RP2: variants seen among roughly 807,000 people sequenced by gnomAD.
The protein encoded by RP2 is RP2 activator of ARL3 GTPase.
In RP2, 3 loss-of-function variants were observed where a neutral mutation model predicts 20.3. The observed-to-expected ratio is 0.15, with a 90% CI of 0.07 to 0.38. RP2 has a LOEUF of 0.38. Ranked by LOEUF, RP2 falls within the 10% of genes least tolerant of loss-of-function variation. RP2 has a pLI of 1.00. For missense variants in RP2, 233 were observed against 268.5 expected, an observed-to-expected ratio of 0.87 and a Z score of 0.92; for synonymous variants, 75 against 94.8, an observed-to-expected ratio of 0.79 and a Z score of 1.22.
chrX:46,847,455 G>A (rs191498216), intron 1 of RP2, among the ~76,000 whole-genome samples: 2 of 106,859 alleles, frequency 1.9e-5, no homozygotes, highest in African/African-American at 3.4e-5. Context: ...TTTCTGAGAC[G>A]GAGTCTTGCT....
intron 3 of RP2, among the ~76,000 whole-genome samples, chrX:46,875,030 ACTTTT>A (rs1925351271): frequency 9.0e-6 from 1 of 110,889 alleles, no homozygotes; most frequent in Non-Finnish European, 1.9e-5. Flanking sequence ...TTATTTTTTT[ACTTTT>A]ATTTTTTAAT....
At chrX:46,841,139 A>G (rs994233006) in intron 1 of RP2, among the ~76,000 whole-genome samples, 4 of 111,768 alleles carry the variant, frequency 3.6e-5, no homozygotes, top group Non-Finnish European at 7.5e-5. Context: ...TGGTTTTAAC[A>G]TAAGGCAGAT....
chrX:46,854,019 G>T lies in RP2; in HGVS notation c.646G>T (p.Ala216Ser). 3.3e-6 allele frequency: 4 copies of T among 1,211,812 alleles called. No homozygotes were observed. Among genetic ancestry groups the T allele is most frequent in the Non-Finnish European group, 4.5e-6 (4 of 895,492 alleles). The change falls in exon 2 of 5, where the codon GCC (alanine) becomes TCC (serine). Residue 216 changes from alanine (A) to serine (S), a missense_variant. Transcript: ENST00000218340. ...ELKAVRVSTE[A>S]NRSIVPISRG... Reference sequence around the variant, plus strand: ...CAAAGCTGTTCGTGTTTCCACAGAAGCCAATAGAAGCATTGTTCCAATATC... The same window carrying T: ...CAAAGCTGTTCGTGTTTCCACAGAATCCAATAGAAGCATTGTTCCAATATC...
Position 46,854,079 on chromosome X carries a change from T to A in RP2, c.706T>A (p.Cys236Ser). Residue 236 changes from cysteine (C) to serine (S), a missense_variant, in exon 2 of 5, where the codon TGC becomes AGC. Cys to Ser is a moderately radical substitution (Grantham distance 112). Around this residue, in one of 3 missense-constraint regions of RP2, gnomAD observed 118 missense variants for 123.8 expected, o/e 0.95. Coordinates refer to ENST00000218340, the MANE Select transcript of RP2 (RefSeq NM_006915.3). ...GAGACAGAAGAGCAGCGATGAATCA[T>A]GCTTAGTGGTATTATTTGCTGGTGA... ...GQRQKSSDESCLVVLFAGDYT... is the reference protein window; with the variant it reads ...GQRQKSSDESSLVVLFAGDYT... The A allele has an allele frequency of 1.7e-6, 2 of 1,211,830 alleles. No individual in the cohort carries two copies. The highest frequency in any genetic ancestry group is 3.5e-5 in the African/African-American group (2 of 57,909).
At chrX:46,860,856 G>A (rs963423289) in intron 3 of RP2, among the ~76,000 whole-genome samples, 1 of 112,242 alleles carries the variant, frequency 8.9e-6, no homozygotes, top group Middle Eastern at 4.6e-3. Context: ...TGCATTTTAT[G>A]TGCTCTTTAT....
At chrX:46,838,681 T>G (rs191741721) in intron 1 of RP2, among the ~76,000 whole-genome samples, 13 of 112,770 alleles carry the variant, frequency 1.2e-4, no homozygotes, top group African/African-American at 3.5e-4. Context: ...GTTTTACAGT[T>G]AATGTTTATT....
intron 2 of RP2, among the ~76,000 whole-genome samples, chrX:46,859,722 T>G (rs1355272977): frequency 5.4e-5 from 6 of 111,369 alleles, no homozygotes; most frequent in Admixed American, 9.7e-5. Flanking sequence ...TAGAAAAATT[T>G]TAATCATGTT....
intron 3 of RP2, among the ~76,000 whole-genome samples, chrX:46,872,470 A>G (rs782082915): frequency 2.7e-5 from 3 of 111,311 alleles, no homozygotes; most frequent in African/African-American, 6.5e-5. Flanking sequence ...AATCTTGTCT[A>G]TTGACATATT....
chrX:46,873,314 A>AT (rs1925322432), intron 3 of RP2, among the ~76,000 whole-genome samples: 1 of 111,589 alleles, frequency 9.0e-6, no homozygotes, highest in Non-Finnish European at 1.9e-5. Context: ...ACAATTTTTC[A>AT]TGACAGCTGA....
At chrX:46,861,063 A>C (rs1925053872) in intron 3 of RP2, among the ~76,000 whole-genome samples, 1 of 111,782 alleles carries the variant, frequency 8.9e-6, no homozygotes, top group Admixed American at 9.6e-5. Context: ...TATGTAGGAA[A>C]TTCTGACCTG....
chrX:46,871,021 C>CTTTTT (rs58549261), intron 3 of RP2, among the ~76,000 whole-genome samples: 3 of 77,361 alleles, frequency 3.9e-5, no homozygotes, highest in African/African-American at 5.9e-5. Flanking sequence ...ACGCTCATTC[C>CTTTTT]TTTTTTTTTT....
rs781833240 is a variant in RP2, at chrX:46,870,709, T to G, written c.884-6796T>G. On this transcript the variant is annotated intron_variant, in intron 3 of 4. Transcript: ENST00000218340. ...TCAGCCTCAGCTGGGAGCATGCACA[T>G]CAGGCAATTCTAATTTTTTGCCACT... is the stretch of plus-strand genomic sequence containing the variant. Among the ~76,000 whole-genome samples the G allele has an allele frequency of 4.5e-5, 5 of 112,112 alleles. No homozygotes were observed. The South Asian group carries it at 1.9e-3, about 42-fold the overall frequency.
At chrX:46,839,868 G>A (rs1287156961) in intron 1 of RP2, among the ~76,000 whole-genome samples, 4 of 112,646 alleles carry the variant, frequency 3.6e-5, no homozygotes, top group Non-Finnish European at 7.5e-5. Context: ...CATTCAACTT[G>A]TAAGACTTTT....
rs35579507 is a variant in RP2, at chrX:46,879,062, T to TAAAAAA, written c.970-601_970-596dup. Among the ~76,000 whole-genome samples, 57 of 33,041 alleles carry TAAAAAA rather than the reference T, an allele frequency of 1.7e-3. 3 individuals are homozygous for TAAAAAA. Among genetic ancestry groups the TAAAAAA allele is most frequent in the South Asian group, 8.9e-3 (2 of 225 alleles). The allele number at this position is 33,041 out of a possible 115,157, so 28.7% of individuals were successfully genotyped here. ...CAACATAGTGAGACTCTACAAAAAG[T>TAAAAAA]AAAAAAAAAAAAAAAAAAAAAAAAA... On this transcript the variant is annotated intron_variant, in intron 4 of 4. Coordinates refer to ENST00000218340, the MANE Select transcript of RP2 (RefSeq NM_006915.3).
intron 1 of RP2, among the ~76,000 whole-genome samples, chrX:46,845,968 G>A (rs73630240): frequency 0.047 from 5,155 of 110,679 alleles, 293 homozygotes; most frequent in African/African-American, 0.16. Flanking sequence ...GTTTCAACAC[G>A]TTGCCCAGGC....
intron 1 of RP2, among the ~76,000 whole-genome samples, chrX:46,849,735 A>G: frequency 8.9e-6 from 1 of 112,326 alleles, no homozygotes. Context: ...TGGAGCGTCC[A>G]GAGAAAATAC....
chrX:46,879,259 AAAAAAT>A (rs1298849252), intron 4 of RP2, among the ~76,000 whole-genome samples: 18 of 108,989 alleles, frequency 1.7e-4, no homozygotes, highest in Non-Finnish European at 3.2e-4. Flanking sequence ...AAAATAAAAT[AAAAAAT>A]AATAATATAT....
In RP2 at chrX:46,837,079, A is replaced by G. The variant is rs782363029; in HGVS notation, c.-22A>G. The G allele has an allele frequency of 2.6e-6, 3 of 1,164,724 alleles. No individual in the cohort carries two copies. In the South Asian group the frequency reaches 5.7e-5, roughly 22 times the overall value. Reference sequence around the variant, plus strand: ...AGTGCCTGAGCTAGTGAGCTGGCCAACGAGCTCCGCGGGCTGGGACCATGG... The same window carrying G: ...AGTGCCTGAGCTAGTGAGCTGGCCAGCGAGCTCCGCGGGCTGGGACCATGG... On this transcript the variant is annotated 5_prime_UTR_variant, in exon 1 of 5. Coordinates refer to ENST00000218340, the MANE Select transcript of RP2 (RefSeq NM_006915.3).
intron 1 of RP2, among the ~76,000 whole-genome samples, chrX:46,838,915 G>A (rs1924563926): frequency 9.0e-6 from 1 of 111,160 alleles, no homozygotes; most frequent in South Asian, 3.7e-4. Context: ...TTTTTTTTGA[G>A]AACACTACTA....
Sources: gnomAD v4.1 joint callset for allele counts (sites outside exome capture counted in the v4.1 genomes callset) on GRCh38, gnomAD v4.1.1 for gene constraint, gnomAD v4.1.1 regional missense constraint, MANE v1.5 for transcripts, NCBI Gene and HGNC (gene_info 2026-07-23, HGNC 2026-07-21) for gene names.